ADCY5: variants seen among roughly 807,000 people sequenced by gnomAD.
ADCY5 encodes adenylate cyclase type 5.
ADCY5 carries 30 observed loss-of-function variants against 119.7 expected under a neutral mutation model. The ratio of observed to expected loss-of-function variants is 0.25; its 90% CI spans 0.19 to 0.34. The LOEUF is 0.34. Among genes scored for constraint, ADCY5 ranks in the 10% least tolerant of loss-of-function variants. The pLI, the probability that ADCY5 is intolerant of heterozygous loss-of-function variation, is 1.00. For synonymous variants in ADCY5, 753 were observed against 762.2 expected (o/e 0.99, Z 0.20); for missense variants, 1,324 against 1,775.2 (o/e 0.75, Z 4.57).
chr3:123,335,714 A>G (rs2108428448), intron 3 of ADCY5, among the ~76,000 whole-genome samples: 2 of 152,062 alleles, frequency 1.3e-5, no homozygotes, highest in Admixed American at 1.3e-4. Context: ...CAAGAAGAGA[A>G]CCTCTTTTTT....
chr3:123,409,151 A>C lies in ADCY5; in HGVS notation c.1134+38261T>G, dbSNP rs577302709. On this transcript the variant is annotated intron_variant, in intron 1 of 20. Transcript: ENST00000462833. ...CCAGGCTCTTGATCTGGCTCTGCCT[A>C]TAACCAGCCTGGAAAGTCTTTATAA... 3.1e-4 allele frequency among the ~76,000 whole-genome samples: 47 copies of C among 152,344 alleles called. No homozygotes were observed. In the South Asian group the frequency reaches 9.3e-3, roughly 30 times the overall value.
At chr3:123,378,922 A>G (rs956674269) in intron 1 of ADCY5, among the ~76,000 whole-genome samples, 2 of 152,200 alleles carry the variant, frequency 1.3e-5, no homozygotes, top group Non-Finnish European at 2.9e-5. Flanking sequence ...AAGTGACATC[A>G]ATTATTATAG....
intron 1 of ADCY5, among the ~76,000 whole-genome samples, chr3:123,397,561 CAGG>C (rs1427918223): frequency 6.6e-6 from 1 of 152,196 alleles, no homozygotes; most frequent in East Asian, 1.9e-4. Flanking sequence ...GGCTTGAGCC[CAGG>C]AGTTCAGGGT....
Position 123,325,469 on chromosome 3 carries a change from G to T in ADCY5, c.1948-7C>A. ...TCATGGCCTTCTCTTCTTTCTGGAA[G>T]ACGAACACAGAGATGGGGGGAGATG... On this transcript the variant is annotated splice_polypyrimidine_tract_variant and splice_region_variant and intron_variant, in intron 7 of 20. Coordinates refer to ENST00000462833, the MANE Select transcript of ADCY5 (RefSeq NM_183357.3). 1 of 1,612,652 alleles carries T rather than the reference G, an allele frequency of 6.2e-7. No homozygotes were observed. Among genetic ancestry groups the T allele is most frequent in the South Asian group, 1.1e-5 (1 of 91,082 alleles).
intron 8 of ADCY5, among the ~76,000 whole-genome samples, chr3:123,323,560 C>G (rs1941331077): frequency 6.6e-6 from 1 of 152,110 alleles, no homozygotes; most frequent in South Asian, 2.1e-4. Context: ...TACTCCCCAG[C>G]TTCCCCTCCA....
At chr3:123,345,093 C>T (rs1283672963) in intron 3 of ADCY5, among the ~76,000 whole-genome samples, 2 of 152,228 alleles carry the variant, frequency 1.3e-5, no homozygotes, top group Non-Finnish European at 2.9e-5. Flanking sequence ...AAGTCACTGC[C>T]TCCATGGGAG....
At chr3:123,385,115 TAA>T (rs1944175031) in intron 1 of ADCY5, among the ~76,000 whole-genome samples, 8 of 151,280 alleles carry the variant, frequency 5.3e-5, no homozygotes, top group Non-Finnish European at 1.2e-4. Flanking sequence ...CCCCGGTAAG[TAA>T]ATAAACAAGC....
At chr3:123,332,737 C>A in intron 3 of ADCY5, 62 bp from the exon 4 acceptor site, 1 of 1,068,296 alleles carries the variant, frequency 9.4e-7, no homozygotes, top group South Asian at 1.3e-5. Context: ...CTCCCAAATT[C>A]ATACATTACA....
chr3:123,283,468 G>A lies in ADCY5; in HGVS notation c.*1140C>T. ...GTTTTGCTTAGGGGAAGGAGGGTGT[G>A]TGCATGTGTGTACATACGTGTGCGT... On this transcript the variant is annotated 3_prime_UTR_variant, in exon 21 of 21. Coordinates refer to ENST00000462833, the MANE Select transcript of ADCY5 (RefSeq NM_183357.3). The A allele has an allele frequency of 6.6e-6, 1 of 152,272 alleles. No homozygotes were observed. The highest frequency in any genetic ancestry group is 6.5e-5 in the Admixed American group (1 of 15,300). 9.4% of individuals were successfully genotyped at this position (152,272 alleles called of 1,614,324 possible).
intron 20 of ADCY5, 59 bp from the exon 21 acceptor site, chr3:123,284,795 G>A (rs1364575705): frequency 1.2e-6 from 2 of 1,608,100 alleles, no homozygotes; most frequent in Admixed American, 1.7e-5. Context: ...ATGAACTGCT[G>A]TGGGGTAGAG....
At chr3:123,350,439 T>C (rs59340979) in intron 2 of ADCY5, among the ~76,000 whole-genome samples, 15,211 of 152,082 alleles carry the variant, frequency 0.1, 1,930 homozygotes, top group African/African-American at 0.28. Flanking sequence ...GTGATAGAAA[T>C]AGGAATTAAA....
chr3:123,300,150 T>C lies in ADCY5; in HGVS notation c.2870A>G (p.Asn957Ser). 1 of 1,613,866 alleles carries C rather than the reference T, an allele frequency of 6.2e-7. No homozygotes were observed. Among genetic ancestry groups the C allele is most frequent in the African/African-American group, 1.3e-5 (1 of 75,054 alleles). ...VEVPGVTLFD[N>S]ADLLVTANAI... ...GTTGGCGGTGACCAGCAGGTCGGCG[T>C]TGTCGAAGAGCGTGACACCTGGCAC... The change falls in exon 15 of 21, where the codon AAC (asparagine) becomes AGC (serine). Residue 957 changes from asparagine to serine, a missense_variant. Coordinates refer to ENST00000462833, the MANE Select transcript of ADCY5 (RefSeq NM_183357.3).
intron 7 of ADCY5, 22 bp from the exon 8 acceptor site, chr3:123,325,484 G>C (rs374376514): frequency 1.4e-5 from 23 of 1,610,626 alleles, no homozygotes; most frequent in South Asian, 2.2e-5. Context: ...ACACAGAGAT[G>C]GGGGGAGATG....
At chr3:123,317,182 A>C (rs1940954846) in intron 11 of ADCY5, among the ~76,000 whole-genome samples, 1 of 152,216 alleles carries the variant, frequency 6.6e-6, no homozygotes, top group African/African-American at 2.4e-5. Context: ...TGCATACTTC[A>C]AAGTACTCCC....
chr3:123,386,408 T>C (rs1231928813), intron 1 of ADCY5, among the ~76,000 whole-genome samples: 1 of 152,232 alleles, frequency 6.6e-6, no homozygotes, highest in Non-Finnish European at 1.5e-5. Context: ...CTGTCCTTCA[T>C]GCTGCCACTC....
intron 3 of ADCY5, among the ~76,000 whole-genome samples, chr3:123,336,763 T>C (rs748870202): frequency 6.6e-6 from 1 of 152,170 alleles, no homozygotes; most frequent in Non-Finnish European, 1.5e-5. Context: ...GTGCACTGGA[T>C]GGCCAGGCCT....
At chr3:123,426,299 G>GTTTTTTTT (rs750760543) in intron 1 of ADCY5, among the ~76,000 whole-genome samples, 3 of 97,934 alleles carry the variant, frequency 3.1e-5, no homozygotes, top group African/African-American at 6.8e-5. Flanking sequence ...TTTCTTTTGT[G>GTTTTTTTT]TTTTTTTTTT....
intron 1 of ADCY5, among the ~76,000 whole-genome samples, chr3:123,436,727 A>G (rs1240002540): frequency 6.6e-6 from 1 of 152,140 alleles, no homozygotes; most frequent in Non-Finnish European, 1.5e-5. Flanking sequence ...ATAATAATAA[A>G]TTTAAAAATA....
intron 1 of ADCY5, among the ~76,000 whole-genome samples, chr3:123,358,690 G>A (rs1943131159): frequency 6.6e-6 from 1 of 152,242 alleles, no homozygotes; most frequent in South Asian, 2.1e-4. Context: ...GACCACACCA[G>A]GAGAGACCCC....
Sources: gnomAD v4.1 joint callset for allele counts (sites outside exome capture counted in the v4.1 genomes callset) on GRCh38, gnomAD v4.1.1 for gene constraint, MANE v1.5 for transcripts, NCBI Gene and HGNC (gene_info 2026-07-23, HGNC 2026-07-21) for gene names.